NOX3: variants seen among roughly 807,000 people sequenced by gnomAD.
The protein encoded by NOX3 is NADPH oxidase 3, also known as NADPH oxidase catalytic subunit-like 3.
Under a neutral mutation model 76.7 loss-of-function variants are expected in NOX3, and 74 were observed. That is an observed-to-expected ratio of 0.96 (90% CI 0.80 to 1.17). NOX3 has a LOEUF of 1.17. NOX3 is among the 50% of genes most tolerant of loss of function. The probability of loss-of-function intolerance (pLI) is 0.00; values close to 1 mark genes in which losing one functional copy is unlikely to be tolerated. For missense variants in NOX3, 695 were observed against 703.3 expected (o/e 0.99, Z 0.13); for synonymous variants, 263 against 261.1 (o/e 1.01, Z -0.07).
At chr6:155,433,165 T>C (rs1582940876) in intron 7 of NOX3, among the ~76,000 whole-genome samples, 1 of 152,200 alleles carries the variant, frequency 6.6e-6, no homozygotes, top group Admixed American at 6.5e-5. Flanking sequence ...TTATTTTTCT[T>C]TCCATGGTTC....
At chr6:155,443,523 T>C in intron 4 of NOX3, 105 bp from the exon 5 acceptor site, 2 of 1,352,986 alleles carry the variant, frequency 1.5e-6, no homozygotes, top group Non-Finnish European at 2.0e-6. Context: ...TTCTGGTTTT[T>C]GTAATCTCCA....
intron 12 of NOX3, among the ~76,000 whole-genome samples, chr6:155,405,828 T>C (rs1292160591): frequency 1.3e-5 from 2 of 152,208 alleles, no homozygotes; most frequent in Admixed American, 6.5e-5. Flanking sequence ...TCCACCTCTG[T>C]CCCAGGCCCC....
intron 10 of NOX3, among the ~76,000 whole-genome samples, chr6:155,421,510 G>A (rs1776688911): frequency 6.6e-6 from 1 of 152,178 alleles, no homozygotes; most frequent in African/African-American, 2.4e-5. Context: ...GAAAGGTTCT[G>A]TAGCTAAATA....
At chr6:155,448,633 G>C (rs1582948699) in intron 4 of NOX3, among the ~76,000 whole-genome samples, 1 of 120,036 alleles carries the variant, frequency 8.3e-6, no homozygotes, top group Admixed American at 8.8e-5. Flanking sequence ...TTCCATTGAA[G>C]AGTGAACCAA....
intron 10 of NOX3, among the ~76,000 whole-genome samples, chr6:155,414,089 C>T (rs1028932221): frequency 6.6e-6 from 1 of 152,142 alleles, no homozygotes; most frequent in African/African-American, 2.4e-5. Flanking sequence ...GTTTTTCCCT[C>T]CGTAATTGAC....
At chr6:155,433,622 G>T (rs191088743) in intron 7 of NOX3, among the ~76,000 whole-genome samples, 98 of 149,434 alleles carry the variant, frequency 6.6e-4, no homozygotes, top group Non-Finnish European at 3.2e-4. Flanking sequence ...TAAGTAGAAC[G>T]TTGGGGCTAT....
At chr6:155,432,662 T>C (rs1249671903) in intron 7 of NOX3, among the ~76,000 whole-genome samples, 1 of 152,204 alleles carries the variant, frequency 6.6e-6, no homozygotes, top group Non-Finnish European at 1.5e-5. Flanking sequence ...CTCTGCTTTT[T>C]TTCCTGGGGG....
In NOX3 at chr6:155,452,496, C is replaced by T. The variant is rs186803806; in HGVS notation, c.340+908G>A. Among the ~76,000 whole-genome samples, 161 of 152,294 alleles carry T rather than the reference C, an allele frequency of 1.1e-3. 1 individual carries two copies. Among genetic ancestry groups the T allele is most frequent in the Middle Eastern group, 3.4e-3 (1 of 294 alleles). On this transcript the variant is annotated intron_variant, in intron 4 of 13. Transcript: ENST00000159060. ...CAGTTCTCAGGTTGGTTTAATCCAGCGTTGAAGACAGTCACTGGGAGCATC... is the reference window on the plus strand; with the variant it reads ...CAGTTCTCAGGTTGGTTTAATCCAGTGTTGAAGACAGTCACTGGGAGCATC...
At chr6:155,446,386 G>A (rs969681620) in intron 4 of NOX3, among the ~76,000 whole-genome samples, 10 of 152,080 alleles carry the variant, frequency 6.6e-5, no homozygotes, top group Non-Finnish European at 1.2e-4. Context: ...TTAAAAAGCA[G>A]GTAGTACGTC....
At chr6:155,430,555 T>C (rs1776818924) in intron 8 of NOX3, among the ~76,000 whole-genome samples, 1 of 152,076 alleles carries the variant, frequency 6.6e-6, no homozygotes, top group Non-Finnish European at 1.5e-5. Context: ...TCACTCCCCT[T>C]GCATTTCCCC....
At chr6:155,404,791 G>T (rs904955763) in intron 12 of NOX3, among the ~76,000 whole-genome samples, 2 of 152,054 alleles carry the variant, frequency 1.3e-5, no homozygotes, top group African/African-American at 4.8e-5. Context: ...GGTTGGCAGG[G>T]GTCTCACAGA....
At chr6:155,455,643 TTAACTAGAGTAATACTTC>T in intron 1 of NOX3, 92 bp downstream of exon 1, 1 of 751,440 alleles carries the variant, frequency 1.3e-6, no homozygotes, top group African/African-American at 1.8e-5. Flanking sequence ...TTTTAGTCTT[TTAACTAGAGTAATACTTC>T]AAGCTATTTA....
chr6:155,420,114 C>G (rs1776670704), intron 10 of NOX3, among the ~76,000 whole-genome samples: 1 of 152,110 alleles, frequency 6.6e-6, no homozygotes, highest in East Asian at 1.9e-4. Flanking sequence ...TTTCACGAAT[C>G]TTAATACAGG....
At chr6:155,453,775 A>C (rs1777176556) in intron 3 of NOX3, among the ~76,000 whole-genome samples, 1 of 152,210 alleles carries the variant, frequency 6.6e-6, no homozygotes, top group Non-Finnish European at 1.5e-5. Flanking sequence ...TTTGTTTAAA[A>C]ATTTAAGGTA....
Position 155,422,821 on chromosome 6 carries a change from G to A in NOX3, c.1181C>T (p.Thr394Ile). 1 of 1,614,218 alleles carries A rather than the reference G, an allele frequency of 6.2e-7. No homozygotes were observed. Among genetic ancestry groups the A allele is most frequent in the South Asian group, 1.1e-5 (1 of 91,086 alleles). ...ACACACTGGGTAGTGAAATACATCT[G>A]TCAGGGCAGTTCCAAAGGGCCCGTC... ...AVDGPFGTALTDVFHYPVCVC... is the reference protein window; with the variant it reads ...AVDGPFGTALIDVFHYPVCVC... The change falls in exon 10 of 14, where the codon ACA (threonine) becomes ATA (isoleucine). Residue 394 changes from threonine (T) to isoleucine (I), a missense_variant. By Grantham distance (89) the Thr-to-Ile change is moderately conservative (BLOSUM62 -1). Coordinates refer to ENST00000159060, the MANE Select transcript of NOX3 (RefSeq NM_015718.3).
At position 155,428,865 on chromosome 6, in the gene NOX3, G is replaced by A; in HGVS notation, c.1074C>T (p.Asp358=). The A allele has an allele frequency of 6.2e-7, 1 of 1,611,270 alleles. No individual in the cohort carries two copies. The highest frequency in any genetic ancestry group is 8.5e-7 in the Non-Finnish European group (1 of 1,178,112). ...AGGCCTCCAGTAGCGCTGCTGTCCA[G>A]TCTCCTGCTGCCCGGATGTGCACGC... is the stretch of plus-strand genomic sequence containing the variant. ...FFSVHIRAAG[D]WTAALLEAFG... The change falls in exon 9 of 14, where the codon GAC becomes GAT. Residue 358 remains aspartate (D), a synonymous_variant. Transcript: ENST00000159060.
At chr6:155,399,391 C>T (rs2114672564) in intron 12 of NOX3, among the ~76,000 whole-genome samples, 1 of 152,342 alleles carries the variant, frequency 6.6e-6, no homozygotes, top group Non-Finnish European at 1.5e-5. Flanking sequence ...GTGTCCCCAG[C>T]AGTTCACAGC....
chr6:155,430,069 C>T (rs201719294), intron 8 of NOX3, among the ~76,000 whole-genome samples: 9 of 152,132 alleles, frequency 5.9e-5, no homozygotes, highest in East Asian at 1.9e-4. Flanking sequence ...TTCATGAAGG[C>T]GGCTACAGAG....
intron 13 of NOX3, 146 bp downstream of exon 13, chr6:155,396,663 T>C (rs971414161): frequency 2.0e-6 from 1 of 505,142 alleles, no homozygotes; most frequent in Admixed American, 3.0e-5. Context: ...GACGTTATTG[T>C]TTGTGGCAAT....
Sources: gnomAD v4.1 joint callset for allele counts (sites outside exome capture counted in the v4.1 genomes callset) on GRCh38, gnomAD v4.1.1 for gene constraint, MANE v1.5 for transcripts, NCBI Gene and HGNC (gene_info 2026-07-23, HGNC 2026-07-21) for gene names.